Variants in EIF4G3 observed in about 807,000 individuals in gnomAD.
EIF4G3 encodes the protein eukaryotic translation initiation factor 4 gamma 3.
EIF4G3 carries 34 observed loss-of-function variants against 186.4 expected under a neutral mutation model. The observed-to-expected ratio is 0.18, with a 90% CI of 0.14 to 0.24. The LOEUF (loss-of-function observed/expected upper bound fraction) is 0.24, where lower values mean the gene tolerates loss of function less well. EIF4G3 is among the 10% of genes least tolerant of loss of function. EIF4G3 has a pLI of 1.00. For synonymous variants in EIF4G3, 673 were observed against 679.5 expected, an observed-to-expected ratio of 0.99 and a Z score of 0.15; for missense variants, 1,536 against 1,948.5, an observed-to-expected ratio of 0.79 and a Z score of 3.99.
intron 4 of EIF4G3, among the ~76,000 whole-genome samples, chr1:21,008,128 G>C (rs553294863): frequency 2.6e-5 from 4 of 152,294 alleles, no homozygotes; most frequent in African/African-American, 9.6e-5. Flanking sequence ...GCGACAGAGT[G>C]AGAACCTGTC....
chr1:21,137,463 C>T (rs1014519821), intron 2 of EIF4G3, among the ~76,000 whole-genome samples: 6 of 151,902 alleles, frequency 3.9e-5, no homozygotes, highest in African/African-American at 1.5e-4. Context: ...TGGACACCAT[C>T]ATCTATGAAA....
intron 14 of EIF4G3, among the ~76,000 whole-genome samples, chr1:20,918,489 T>C (rs1318726193): frequency 2.0e-5 from 3 of 152,094 alleles, no homozygotes; most frequent in Non-Finnish European, 4.4e-5. Flanking sequence ...ATTACAGGCA[T>C]GAGCCACAGC....
intron 12 of EIF4G3, among the ~76,000 whole-genome samples, chr1:20,966,469 G>T (rs909099248): frequency 6.6e-6 from 1 of 151,228 alleles, no homozygotes; most frequent in African/African-American, 2.4e-5. Context: ...GAAACAATGG[G>T]TCAACATTTT....
intron 26 of EIF4G3, 122 bp downstream of exon 26, chr1:20,854,856 T>C (rs965687321): frequency 4.7e-6 from 3 of 634,940 alleles, no homozygotes; most frequent in Admixed American, 2.9e-5. Context: ...ACCAATAAAA[T>C]TTTAGGCATG....
chr1:20,854,547 A>G (rs888972263), intron 26 of EIF4G3, among the ~76,000 whole-genome samples: 3 of 150,738 alleles, frequency 2.0e-5, no homozygotes, highest in East Asian at 1.9e-4. Context: ...TTAAAAAAAA[A>G]AAAAAAAATC....
chr1:20,881,458 C>A (rs1475699442), intron 19 of EIF4G3, among the ~76,000 whole-genome samples: 2 of 152,116 alleles, frequency 1.3e-5, no homozygotes, highest in Non-Finnish European at 2.9e-5. Flanking sequence ...AAAGCACAAT[C>A]ATGAAAGAAA....
At chr1:21,096,717 CT>C (rs1175345021) in intron 2 of EIF4G3, among the ~76,000 whole-genome samples, 1 of 152,120 alleles carries the variant, frequency 6.6e-6, no homozygotes, top group Non-Finnish European at 1.5e-5. Flanking sequence ...AAAAAGCTAT[CT>C]TTTAAAGACT....
chr1:21,137,669 A>G (rs114401784), intron 2 of EIF4G3, among the ~76,000 whole-genome samples: 308 of 151,892 alleles, frequency 2.0e-3, no homozygotes, highest in African/African-American at 7.1e-3. Context: ...AATAATAACA[A>G]TAATAGCCAG....
chr1:21,056,158 T>C (rs574736746), intron 3 of EIF4G3, among the ~76,000 whole-genome samples: 1 of 152,330 alleles, frequency 6.6e-6, no homozygotes, highest in East Asian at 1.9e-4. Flanking sequence ...CAACTCTAAA[T>C]AGTTCTGCCA....
chr1:20,889,876 CTT>C (rs1373619513), intron 18 of EIF4G3, among the ~76,000 whole-genome samples: 2 of 152,116 alleles, frequency 1.3e-5, no homozygotes, highest in Non-Finnish European at 2.9e-5. Flanking sequence ...GTGAAGGACA[CTT>C]AGGTTTGAAA....
intron 12 of EIF4G3, among the ~76,000 whole-genome samples, chr1:20,957,658 G>C (rs938072198): frequency 6.6e-6 from 1 of 151,654 alleles, no homozygotes; most frequent in African/African-American, 2.4e-5. Flanking sequence ...CTATTCACTA[G>C]AATAACCAAG....
At chr1:20,952,154 CTTTT>C (rs71014131) in intron 12 of EIF4G3, among the ~76,000 whole-genome samples, 13 of 114,518 alleles carry the variant, frequency 1.1e-4, no homozygotes, top group Non-Finnish European at 1.1e-4. Flanking sequence ...TAATTCAACA[CTTTT>C]TTTTTTTTTT....
At chr1:20,881,909 T>C (rs1336541824) in intron 19 of EIF4G3, among the ~76,000 whole-genome samples, 1 of 151,852 alleles carries the variant, frequency 6.6e-6, no homozygotes, top group African/African-American at 2.4e-5. Flanking sequence ...ATGCCTATAA[T>C]CCCAGCTCTT....
At chr1:20,882,937 C>T (rs1356103031) in intron 19 of EIF4G3, among the ~76,000 whole-genome samples, 1 of 151,948 alleles carries the variant, frequency 6.6e-6, no homozygotes, top group Non-Finnish European at 1.5e-5. Context: ...AAAAAATCAG[C>T]CAGGCATGGT....
intron 2 of EIF4G3, among the ~76,000 whole-genome samples, chr1:21,141,480 GA>G (rs1221266065): frequency 4.3e-3 from 298 of 70,004 alleles, no homozygotes; most frequent in African/African-American, 0.01. Context: ...CCTACCAAGA[GA>G]AAAAAAAAAA....
At chr1:21,106,233 C>A (rs2096615502) in intron 2 of EIF4G3, among the ~76,000 whole-genome samples, 2 of 151,966 alleles carry the variant, frequency 1.3e-5, no homozygotes, top group African/African-American at 4.8e-5. Context: ...AGAGGAGATC[C>A]ATAATAGCAC....
intron 4 of EIF4G3, among the ~76,000 whole-genome samples, chr1:21,025,868 C>T (rs187696702): frequency 4.6e-5 from 7 of 152,288 alleles, no homozygotes; most frequent in Non-Finnish European, 8.8e-5. Context: ...ACATAACCAA[C>T]AGTCCTTGCC....
chr1:21,056,556 A>G (rs2094569891), intron 3 of EIF4G3, among the ~76,000 whole-genome samples: 1 of 152,218 alleles, frequency 6.6e-6, no homozygotes, highest in Non-Finnish European at 1.5e-5. Context: ...TAAAATTGTC[A>G]TAGATAAAAA....
At chr1:21,135,692 C>A (rs965191874) in intron 2 of EIF4G3, among the ~76,000 whole-genome samples, 1 of 152,124 alleles carries the variant, frequency 6.6e-6, no homozygotes, top group African/African-American at 2.4e-5. Flanking sequence ...TGATGGTGTA[C>A]ACATTTTCCA....
Sources: allele counts gnomAD v4.1 joint callset (sites outside exome capture counted in the v4.1 genomes callset), GRCh38; gene constraint gnomAD v4.1.1; transcripts MANE v1.5; gene names NCBI Gene and HGNC (gene_info 2026-07-23, HGNC 2026-07-21).